Variants in PIK3CD observed in about 807,000 individuals in gnomAD.
PIK3CD encodes phosphatidylinositol 4,5-bisphosphate 3-kinase catalytic subunit delta isoform.
In PIK3CD, 20 loss-of-function variants were observed where a neutral mutation model predicts 122.9. The observed-to-expected ratio is 0.16, with a 90% CI of 0.11 to 0.24. The LOEUF is 0.24. Ranked by LOEUF, PIK3CD falls within the 10% of genes least tolerant of loss-of-function variation. PIK3CD has a pLI of 1.00. For missense variants in PIK3CD, 787 were observed against 1,406.3 expected, an observed-to-expected ratio of 0.56 and a Z score of 7.04; for synonymous variants, 596 against 593.4, an observed-to-expected ratio of 1.00 and a Z score of -0.06.
rs577607119 is a variant in PIK3CD at position 9,721,950 on chromosome 1, C to T, written c.2056-25C>T. On this transcript the variant is annotated intron_variant, in intron 16 of 23. Coordinates refer to ENST00000377346, the MANE Select transcript of PIK3CD (RefSeq NM_005026.5). Reference sequence around the variant, plus strand: ...TGGGTCGAGGCTGGGACCTGCCCACCGCCGCCCTCCCATCTGCCCACCAGG... The same window carrying T: ...TGGGTCGAGGCTGGGACCTGCCCACTGCCGCCCTCCCATCTGCCCACCAGG... The T allele has an allele frequency of 6.9e-5, 111 of 1,613,198 alleles. No homozygotes were observed. In the East Asian group the frequency reaches 2.2e-3, roughly 32 times the overall value.
intron 1 of PIK3CD, among the ~76,000 whole-genome samples, chr1:9,661,958 T>G (rs932385013): frequency 4.6e-5 from 7 of 151,714 alleles, no homozygotes; most frequent in African/African-American, 1.7e-4. Flanking sequence ...ATTGCACCAC[T>G]GCACTCCAGC....
At position 9,726,849 on chromosome 1, in the gene PIK3CD, C is replaced by T. The variant is rs530674667; in HGVS notation, c.2998-60C>T. ...TGACTCTGAAGTCCCCAGAGAGGGA[C>T]GCATCCCAGAGCAAGGTCCGGGCCC... is the stretch of plus-strand genomic sequence containing the variant. On this transcript the variant is annotated intron_variant, in intron 23 of 23. Coordinates refer to ENST00000377346, the MANE Select transcript of PIK3CD (RefSeq NM_005026.5). 129 of 1,606,434 alleles carry T rather than the reference C, an allele frequency of 8.0e-5. No homozygotes were observed. In the South Asian group the frequency reaches 9.2e-4, roughly 11 times the overall value.
chr1:9,627,517 T>C, the PIK3CD span, among the ~76,000 whole-genome samples: 1 of 152,230 alleles, frequency 6.6e-6, no homozygotes, highest in African/African-American at 2.4e-5. Flanking sequence ...AGTGGGAGCA[T>C]GACGCTGATC....
Position 9,652,486 on chromosome 1 carries a change from C to A in PIK3CD, c.-138+684C>A, listed in dbSNP as rs1644707564. The A allele has an allele frequency of 6.6e-6, 1 of 152,272 alleles. No homozygotes were observed. The allele number at this position is 152,272 out of a possible 1,614,324, so 9.4% of individuals were successfully genotyped here. A position where few individuals can be genotyped will look rare whatever the true frequency, so the allele number is the denominator to read the frequency against. ...CCCGCGTTGCTCGCCGCGTTTGCTG[C>A]AGCGGCGCAGGCGAGATCAGCTCCG... On this transcript the variant is annotated intron_variant, in intron 1 of 23. Coordinates refer to ENST00000377346, the MANE Select transcript of PIK3CD (RefSeq NM_005026.5). The surrounding 1 kb of genome is among the most constrained non-coding windows in gnomAD (Gnocchi z 6.2).
rs199690383 is a variant in PIK3CD at position 9,727,080 on chromosome 1, G to T, written c.*34G>T. The T allele has an allele frequency of 6.2e-7, 1 of 1,613,508 alleles. No individual in the cohort carries two copies. The highest frequency in any genetic ancestry group is 1.7e-5 in the Admixed American group (1 of 59,974). Reference sequence around the variant, plus strand: ...CCCAGCCCTGGGCCCAAGAGGAGGCGGCTGCGGGTCGTGGGGACCAAGCAC... The same window carrying T: ...CCCAGCCCTGGGCCCAAGAGGAGGCTGCTGCGGGTCGTGGGGACCAAGCAC... On this transcript the variant is annotated 3_prime_UTR_variant, in exon 24 of 24. Coordinates refer to ENST00000377346, the MANE Select transcript of PIK3CD (RefSeq NM_005026.5).
chr1:9,722,586 G>A lies in PIK3CD; in HGVS notation c.2406G>A (p.Lys802=). ...TCCAGCTCATGGACGTCCTGTGGAA[G>A]CAGGAGGGGCTGGACCTGAGGTGAG... The part of the protein sequence containing the change: ...QMIQLMDVLW[K]QEGLDLRMTP... Residue 802 remains lysine, a synonymous_variant, in exon 19 of 24, where the codon AAG becomes AAA. Coordinates refer to ENST00000377346, the MANE Select transcript of PIK3CD (RefSeq NM_005026.5). The surrounding 1 kb of genome is among the most constrained non-coding windows in gnomAD (Gnocchi z 7.6). 1 of 1,613,658 alleles carries A rather than the reference G, an allele frequency of 6.2e-7. No individual in the cohort carries two copies. The highest frequency in any genetic ancestry group is 8.5e-7 in the Non-Finnish European group (1 of 1,179,866).
the PIK3CD span, among the ~76,000 whole-genome samples, chr1:9,631,687 G>A: frequency 6.6e-6 from 1 of 152,196 alleles, no homozygotes; most frequent in Non-Finnish European, 1.5e-5. Context: ...AGGGAGGGGG[G>A]CAGGTCGGCC....
chr1:9,713,670 A>G (rs917382678), intron 3 of PIK3CD, among the ~76,000 whole-genome samples: 2 of 152,048 alleles, frequency 1.3e-5, no homozygotes, highest in African/African-American at 4.8e-5. Flanking sequence ...AGCTCTCTGC[A>G]GCCTTGACAT....
In PIK3CD at chr1:9,724,188, C is replaced by A; in HGVS notation, c.2719-88C>A. On this transcript the variant is annotated intron_variant, in intron 21 of 23. Transcript: ENST00000377346. This position sits in a 1 kb window ranked among gnomAD's most constrained non-coding sequence, Gnocchi z 7.3. ...TAGCACACAGCTCTGTGGCAGGGGT[C>A]CCCCAGCCCTGCTGGCTTCCTGTCT... 5 of 1,611,214 alleles carry A rather than the reference C, an allele frequency of 3.1e-6. No homozygotes were observed. The highest frequency in any genetic ancestry group is 1.3e-5 in the African/African-American group (1 of 74,992).
intron 2 of PIK3CD, among the ~76,000 whole-genome samples, chr1:9,692,386 A>G (rs539436375): frequency 6.6e-6 from 1 of 152,302 alleles, no homozygotes; most frequent in African/African-American, 2.4e-5. Context: ...CTAGATCTTC[A>G]TTGGTACTTT....
chr1:9,721,093 G>A (rs746056745), intron 13 of PIK3CD, 34 bp from the exon 14 acceptor site: 24 of 1,412,882 alleles, frequency 1.7e-5, no homozygotes, highest in East Asian at 7.8e-5. Flanking sequence ...CCCTGACCCC[G>A]GCCGCCCCCA....
At chr1:9,633,662 T>A in the PIK3CD span, among the ~76,000 whole-genome samples, 1 of 152,212 alleles carries the variant, frequency 6.6e-6, no homozygotes, top group Admixed American at 6.5e-5. Context: ...AGGTCATAGG[T>A]CATGTCCCCG....
At chr1:9,634,153 T>G in the PIK3CD span, among the ~76,000 whole-genome samples, 6 of 145,868 alleles carry the variant, frequency 4.1e-5, no homozygotes, top group Admixed American at 4.1e-4. Flanking sequence ...TGGGTTGTTT[T>G]TTTTTTTTTT....
intron 1 of PIK3CD, among the ~76,000 whole-genome samples, chr1:9,655,574 G>A (rs1290437759): frequency 6.6e-6 from 1 of 150,966 alleles, no homozygotes; most frequent in Non-Finnish European, 1.5e-5. Context: ...CCTTCCAGCT[G>A]CACTGGCTGG....
intron 2 of PIK3CD, among the ~76,000 whole-genome samples, chr1:9,701,668 C>CAAA (rs1163030937): frequency 1.3e-5 from 1 of 78,982 alleles, no homozygotes; most frequent in African/African-American, 4.6e-5. Flanking sequence ...GACTCTGTCT[C>CAAA]AAAAAAAAAA....
rs566267327 is a variant in PIK3CD at position 9,664,868 on chromosome 1, G to T, written c.-138+13066G>T. ...GTCATCCCTGTTAGAGTGTTTCCTT[G>T]ACATCACCTGAGATGTCCTGGGTAT... On this transcript the variant is annotated intron_variant, in intron 1 of 23. Coordinates refer to ENST00000377346, the MANE Select transcript of PIK3CD (RefSeq NM_005026.5). 1.9e-4 allele frequency among the ~76,000 whole-genome samples: 29 copies of T among 152,206 alleles called. No homozygotes were observed. The South Asian group carries it at 4.4e-3, about 23-fold the overall frequency.
At chr1:9,631,184 T>C in the PIK3CD span, among the ~76,000 whole-genome samples, 1 of 152,184 alleles carries the variant, frequency 6.6e-6, no homozygotes. Flanking sequence ...AGCTGCTACA[T>C]CCTGGATCCC....
At chr1:9,639,251 G>A in the PIK3CD span, among the ~76,000 whole-genome samples, 1 of 151,896 alleles carries the variant, frequency 6.6e-6, no homozygotes, top group African/African-American at 2.4e-5. Context: ...GGGGATTCAC[G>A]TGGGGTTACT....
At chr1:9,655,276 AC>A (rs1438412228) in intron 1 of PIK3CD, among the ~76,000 whole-genome samples, 2 of 152,026 alleles carry the variant, frequency 1.3e-5, no homozygotes, top group African/African-American at 4.8e-5. Flanking sequence ...TCATCTTGGT[AC>A]CGGTGACAGT....
Sources: gnomAD v4.1 joint callset for allele counts (sites outside exome capture counted in the v4.1 genomes callset) on GRCh38, gnomAD v4.1.1 for gene constraint, Gnocchi (gnomAD v3.1) non-coding constraint, MANE v1.5 for transcripts, NCBI Gene and HGNC (gene_info 2026-07-23, HGNC 2026-07-21) for gene names.